SHOC1: variants seen among roughly 807,000 people sequenced by gnomAD.
SHOC1 encodes shortage in chiasmata 1.
In SHOC1, 136 loss-of-function variants were observed where a neutral mutation model predicts 179.2. The observed-to-expected ratio is 0.76, with a 90% CI of 0.66 to 0.87. The LOEUF (loss-of-function observed/expected upper bound fraction) is 0.87. SHOC1 is among the 40% of genes least tolerant of loss of function. SHOC1 has a pLI of 0.00. For missense variants in SHOC1, 1,538 were observed against 1,700.8 expected, an observed-to-expected ratio of 0.90 and a Z score of 1.68; for synonymous variants, 489 against 586.6, an observed-to-expected ratio of 0.83 and a Z score of 2.41.
At chr9:111,724,027 A>G in intron 13 of SHOC1, 116 bp from the exon 14 acceptor site, 1 of 734,656 alleles carries the variant, frequency 1.4e-6, no homozygotes, top group South Asian at 2.0e-5. Context: ...TCATTGAAAC[A>G]CATCAGTATT....
intron 2 of SHOC1, 73 bp downstream of exon 2, chr9:111,791,301 C>A: frequency 1.3e-6 from 1 of 778,640 alleles, no homozygotes; most frequent in South Asian, 3.6e-5. Context: ...GATACTCAAC[C>A]TATATTGAAT....
chr9:111,786,503 A>ATTTT lies in SHOC1; in HGVS notation c.46-472_46-469dup, dbSNP rs34413616. ...TGCTTTATTCTATTGTGCTCTGCAG[A>ATTTT]TTTTTTTTTTTTTTTTTTTTTTTTT... On this transcript the variant is annotated intron_variant, in intron 2 of 27. Coordinates refer to ENST00000682961, the MANE Select transcript of SHOC1 (RefSeq NM_001378211.1). Among the ~76,000 whole-genome samples the ATTTT allele has an allele frequency of 9.2e-4, 101 of 110,234 alleles. 2 individuals are homozygous for ATTTT. Among genetic ancestry groups the ATTTT allele is most frequent in the African/African-American group, 3.1e-3 (88 of 28,322 alleles). The allele number at this position is 110,234 out of a possible 152,430, so 72.3% of individuals were successfully genotyped here. A position where few individuals can be genotyped will look rare whatever the true frequency, so the allele number is the denominator to read the frequency against.
At chr9:111,716,544 C>T (rs984741517) in intron 16 of SHOC1, among the ~76,000 whole-genome samples, 6 of 151,928 alleles carry the variant, frequency 3.9e-5, no homozygotes, top group Admixed American at 2.0e-4. Context: ...GTGTGCACCA[C>T]CACGCCAGGC....
At position 111,721,891 on chromosome 9, in the gene SHOC1, G is replaced by A. The variant is rs924546105; in HGVS notation, c.2131+518C>T. ...GGCAGTTAGCTAGGGTAATGGTAGG[G>A]CTCATTTCACTCATTTCCTCTCTCT... On this transcript the variant is annotated intron_variant, in intron 15 of 27. Coordinates refer to ENST00000682961, the MANE Select transcript of SHOC1 (RefSeq NM_001378211.1). Among the ~76,000 whole-genome samples the A allele has an allele frequency of 2.0e-5, 3 of 152,150 alleles. No individual in the cohort carries two copies. In the East Asian group the frequency reaches 5.8e-4, roughly 29 times the overall value.
intron 5 of SHOC1, among the ~76,000 whole-genome samples, chr9:111,762,536 T>C (rs1014891058): frequency 5.9e-5 from 9 of 152,170 alleles, no homozygotes; most frequent in African/African-American, 2.2e-4. Context: ...CATGTATATA[T>C]AGTATGATCA....
intron 21 of SHOC1, 140 bp from the exon 22 acceptor site, chr9:111,704,132 A>C (rs926607310): frequency 3.8e-6 from 2 of 530,596 alleles, no homozygotes; most frequent in Non-Finnish European, 6.6e-6. Context: ...CTACTTTATA[A>C]AATTTGAAGA....
chr9:111,700,722 A>T (rs1449212076), intron 23 of SHOC1, among the ~76,000 whole-genome samples: 2 of 152,080 alleles, frequency 1.3e-5, no homozygotes, highest in Non-Finnish European at 2.9e-5. Context: ...AGCTGTTTCC[A>T]TATAAGAAGC....
chr9:111,698,667 C>A (rs1319187359), intron 24 of SHOC1, among the ~76,000 whole-genome samples: 1 of 152,012 alleles, frequency 6.6e-6, no homozygotes, highest in Non-Finnish European at 1.5e-5. Flanking sequence ...CGCGTTTGAA[C>A]TGGGCAGTGA....
At chr9:111,794,459 C>A (rs1836557133) in intron 1 of SHOC1, among the ~76,000 whole-genome samples, 1 of 152,030 alleles carries the variant, frequency 6.6e-6, no homozygotes, top group Non-Finnish European at 1.5e-5. Flanking sequence ...TGGAGGACGC[C>A]TGTAGTCCCA....
At chr9:111,722,889 T>C (rs2152841) in intron 14 of SHOC1, among the ~76,000 whole-genome samples, 124,046 of 152,030 alleles carry the variant, frequency 0.82, 50,809 homozygotes, top group East Asian at 0.92. Context: ...GCAACCTCCG[T>C]CTCCCGGATT....
chr9:111,686,407 T>G lies in SHOC1; in HGVS notation c.*363A>C, dbSNP rs12340335. The G allele has an allele frequency of 0.05, 7,765 of 154,240 alleles. 484 individuals carry two copies. Among genetic ancestry groups the G allele is most frequent in the African/African-American group, 0.14 (6,027 of 41,616 alleles). 9.6% of individuals were successfully genotyped at this position (154,240 alleles called of 1,614,324 possible). On this transcript the variant is annotated 3_prime_UTR_variant, in exon 28 of 28. Coordinates refer to ENST00000682961, the MANE Select transcript of SHOC1 (RefSeq NM_001378211.1). The stretch of plus-strand genomic sequence containing the variant: ...ACTTTAAGTTGGAAGTTTTCTAACT[T>G]CAATTTTGTCCTAGGTTTTAACTTT...
At chr9:111,725,011 G>C (rs1344146383) in intron 13 of SHOC1, among the ~76,000 whole-genome samples, 1 of 151,874 alleles carries the variant, frequency 6.6e-6, no homozygotes, top group Non-Finnish European at 1.5e-5. Context: ...CACAAACACA[G>C]ATATACATAA....
chr9:111,724,250 T>C (rs1268698413), intron 13 of SHOC1, among the ~76,000 whole-genome samples: 3 of 152,210 alleles, frequency 2.0e-5, no homozygotes, highest in Non-Finnish European at 4.4e-5. Flanking sequence ...AATTTCTCTG[T>C]GACTTTCCAC....
Position 111,727,730 on chromosome 9 carries a change from C to G in SHOC1, c.1737G>C (p.Glu579Asp). 6.2e-7 allele frequency: 1 copy of G among 1,613,158 alleles called. No individual in the cohort carries two copies. Among genetic ancestry groups the G allele is most frequent in the Non-Finnish European group, 8.5e-7 (1 of 1,179,592 alleles). Reference sequence around the variant, plus strand: ...AGTCGCTCAAAAGGTCCAAATCATTCTCTTGTTTTTTGCCATGTTCAAAAG... The same window carrying G: ...AGTCGCTCAAAAGGTCCAAATCATTGTCTTGTTTTTTGCCATGTTCAAAAG... ...KASFEHGKKQ[E>D]NDLDLLSDFI... Residue 579 changes from glutamate (E) to aspartate (D), a missense_variant, in exon 13 of 28, where the codon GAG becomes GAC. Coordinates refer to ENST00000682961, the MANE Select transcript of SHOC1 (RefSeq NM_001378211.1).
intron 27 of SHOC1, among the ~76,000 whole-genome samples, chr9:111,688,019 C>T (rs948240232): frequency 3.9e-5 from 6 of 152,104 alleles, no homozygotes; most frequent in Admixed American, 1.3e-4. Context: ...AGATGAAATA[C>T]AGGGAATATT....
chr9:111,727,162 A>G (rs950506954), intron 13 of SHOC1, among the ~76,000 whole-genome samples: 7 of 152,238 alleles, frequency 4.6e-5, no homozygotes, highest in Non-Finnish European at 1.0e-4. Flanking sequence ...AGCAGTGAAT[A>G]TAAGACAGTT....
chr9:111,732,545 T>G (rs1054588379), intron 12 of SHOC1, among the ~76,000 whole-genome samples: 6 of 152,178 alleles, frequency 3.9e-5, no homozygotes, highest in Non-Finnish European at 7.4e-5. Flanking sequence ...CTGTGGTATA[T>G]CCATACAATG....
intron 10 of SHOC1, 49 bp downstream of exon 10, chr9:111,746,185 C>T: frequency 8.0e-7 from 1 of 1,246,746 alleles, no homozygotes; most frequent in Non-Finnish European, 1.2e-6. Context: ...TAAATAAAGA[C>T]TGCTTGTTCT....
rs1244499271 is a variant in SHOC1 at position 111,706,622 on chromosome 9, A to G, written c.2683T>C (p.Leu895=). 4.4e-6 allele frequency: 7 copies of G among 1,604,066 alleles called. No homozygotes were observed. The highest frequency in any genetic ancestry group is 6.0e-6 in the Non-Finnish European group (7 of 1,174,946). ...TTAAAGGCCATGTAAGGAATATTCA[A>G]CTCTTTGCAGTGTTTAGTCCAACAA... ...DSCWTKHCKE[L]NIPYMAFKVI... Residue 895 remains leucine, a synonymous_variant, in exon 20 of 28, where the codon TTG becomes CTG. Transcript: ENST00000682961.
Sources: allele counts gnomAD v4.1 joint callset (sites outside exome capture counted in the v4.1 genomes callset), GRCh38; gene constraint gnomAD v4.1.1; transcripts MANE v1.5; gene names NCBI Gene and HGNC (gene_info 2026-07-23, HGNC 2026-07-21).